LRBA: variants seen among roughly 807,000 people sequenced by gnomAD.
LRBA encodes LPS responsive beige-like anchor protein.
A neutral mutation model predicts 330.0 loss-of-function variants in LRBA; 176 were observed. That is an observed-to-expected ratio of 0.53 (90% CI 0.47 to 0.60). LRBA has a LOEUF of 0.60. Among genes scored for constraint, LRBA ranks in the 20% least tolerant of loss-of-function variants. The pLI is 0.00. For missense variants in LRBA, 3,259 were observed against 3,444.8 expected (o/e 0.95, Z 1.35); for synonymous variants, 1,230 against 1,193.0 (o/e 1.03, Z -0.64).
rs142988016 is a variant in LRBA at position 150,437,733 on chromosome 4, C to T, written c.6781-869G>A. On this transcript the variant is annotated intron_variant, in intron 44 of 56. Transcript: ENST00000651943. Reference sequence around the variant, plus strand: ...TTTGGAAGATAAAAATGAGTAGGTACGTTAAAGTCCAACAAACTATGCCTG... The same window carrying T: ...TTTGGAAGATAAAAATGAGTAGGTATGTTAAAGTCCAACAAACTATGCCTG... 3.7e-4 allele frequency among the ~76,000 whole-genome samples: 56 copies of T among 152,010 alleles called. 1 individual carries two copies. The East Asian group carries it at 9.5e-3, about 26-fold the overall frequency.
At chr4:150,604,980 T>C (rs954203900) in intron 37 of LRBA, among the ~76,000 whole-genome samples, 2 of 152,170 alleles carry the variant, frequency 1.3e-5, no homozygotes, top group Non-Finnish European at 2.9e-5. Context: ...AGGAAGATGC[T>C]TGGTTGTCAA....
chr4:150,727,316 C>T (rs1039947605), intron 36 of LRBA, among the ~76,000 whole-genome samples: 1 of 152,008 alleles, frequency 6.6e-6, no homozygotes, highest in Non-Finnish European at 1.5e-5. Flanking sequence ...TCAGGTGATC[C>T]ACCTGCCTCA....
chr4:150,564,210 C>T (rs1457953785), intron 40 of LRBA, among the ~76,000 whole-genome samples: 2 of 152,086 alleles, frequency 1.3e-5, no homozygotes, highest in South Asian at 2.1e-4. Flanking sequence ...TGGAACAGAA[C>T]AGAGGCCTCA....
At chr4:150,798,666 ATATAT>A (rs1475314550) in intron 33 of LRBA, among the ~76,000 whole-genome samples, 1 of 152,178 alleles carries the variant, frequency 6.6e-6, no homozygotes, top group Non-Finnish European at 1.5e-5. Flanking sequence ...GTTGTCTGTT[ATATAT>A]TCTTGATTTC....
chr4:150,283,246 T>C (rs1747766339), intron 54 of LRBA, among the ~76,000 whole-genome samples: 1 of 152,158 alleles, frequency 6.6e-6, no homozygotes, highest in African/African-American at 2.4e-5. Flanking sequence ...CCTTGGCAAC[T>C]GAGTGAAGCC....
At position 150,957,316 on chromosome 4, in the gene LRBA, A is replaced by G. The variant is rs367700813; in HGVS notation, c.217-28251T>C. Among the ~76,000 whole-genome samples, 30 of 148,616 alleles carry G rather than the reference A, an allele frequency of 2.0e-4. 1 individual carries two copies. In the South Asian group the frequency reaches 2.1e-3, roughly 10 times the overall value. ...CTGAAGGTGAAGGTGGAGCAAAGAC[A>G]TGTCTTTGCAGGCAAGTGAGCATGT... On this transcript the variant is annotated intron_variant, in intron 2 of 56. Transcript: ENST00000651943.
chr4:150,851,572 T>A (rs1560914178), intron 23 of LRBA, among the ~76,000 whole-genome samples: 1 of 152,232 alleles, frequency 6.6e-6, no homozygotes, highest in South Asian at 2.1e-4. Context: ...AGGATTGGGT[T>A]AGTCAAATAA....
intron 42 of LRBA, among the ~76,000 whole-genome samples, chr4:150,485,388 T>C (rs983563421): frequency 6.6e-6 from 1 of 152,010 alleles, no homozygotes; most frequent in Non-Finnish European, 1.5e-5. Flanking sequence ...TGTGGTAATT[T>C]GATAATTGTT....
chr4:150,734,940 G>A (rs1582186168), intron 36 of LRBA, among the ~76,000 whole-genome samples: 1 of 152,206 alleles, frequency 6.6e-6, no homozygotes, highest in Admixed American at 6.5e-5. Context: ...TGTCCAGAAA[G>A]GGCCAACTCC....
In LRBA at chr4:150,786,725, T is replaced by C. The variant is rs142869807; in HGVS notation, c.5580+11356A>G. Among the ~76,000 whole-genome samples the C allele has an allele frequency of 4.3e-3, 656 of 152,328 alleles. 4 individuals carry two copies. Among genetic ancestry groups the C allele is most frequent in the African/African-American group, 0.015 (634 of 41,566 alleles). The stretch of plus-strand genomic sequence containing the variant: ...CCAAAAAAATATGTTTAAAAAACCC[T>C]AGTCTCCAAATTTTTAGGGAGGCTG... On this transcript the variant is annotated intron_variant, in intron 34 of 56. Transcript: ENST00000651943.
At chr4:150,281,523 G>C (rs1747532944) in intron 55 of LRBA, among the ~76,000 whole-genome samples, 1 of 152,126 alleles carries the variant, frequency 6.6e-6, no homozygotes, top group African/African-American at 2.4e-5. Context: ...ACTAGATCTG[G>C]GAAAGTGGGA....
intron 34 of LRBA, among the ~76,000 whole-genome samples, chr4:150,786,193 T>C (rs542222372): frequency 6.6e-6 from 1 of 152,168 alleles, no homozygotes; most frequent in South Asian, 2.1e-4. Flanking sequence ...ACATCACTGT[T>C]GTAGACCCTA....
intron 2 of LRBA, among the ~76,000 whole-genome samples, chr4:150,935,644 G>GA (rs1184802109): frequency 2.6e-5 from 4 of 151,544 alleles, no homozygotes; most frequent in Admixed American, 1.3e-4. Flanking sequence ...TTAAATATAT[G>GA]AAAAAAGTGA....
chr4:150,984,957 A>C (rs146354346), intron 2 of LRBA, among the ~76,000 whole-genome samples: 1 of 152,350 alleles, frequency 6.6e-6, no homozygotes, highest in East Asian at 1.9e-4. Flanking sequence ...AAAGTAATTA[A>C]GCATTTTTAA....
chr4:150,873,930 G>A (rs953332580), intron 17 of LRBA, among the ~76,000 whole-genome samples: 1 of 152,082 alleles, frequency 6.6e-6, no homozygotes, highest in Non-Finnish European at 1.5e-5. Flanking sequence ...ATATCACATT[G>A]TAACTGCATA....
In LRBA at chr4:150,683,630, C is replaced by A. The variant is rs763165188; in HGVS notation, c.5842G>T (p.Val1948Leu). Residue 1948 changes from valine to leucine, a missense_variant, in exon 37 of 57, where the codon GTG becomes TTG. By Grantham distance (32) the Val-to-Leu change is conservative (BLOSUM62 1). Coordinates refer to ENST00000651943, the MANE Select transcript of LRBA (RefSeq NM_001364905.1). The stretch of plus-strand genomic sequence containing the variant: ...TTCTGGATTAGTTGAGTTGCTGTCA[C>A]GTGGTCACGATATTTTGCTGCTCTT... Reference protein sequence around the residue: ...LIRAAKYRDHVTATQLIQKII... With the variant: ...LIRAAKYRDHLTATQLIQKII... 1 of 1,613,314 alleles carries A rather than the reference C, an allele frequency of 6.2e-7. No individual in the cohort carries two copies. Among genetic ancestry groups the A allele is most frequent in the Non-Finnish European group, 8.5e-7 (1 of 1,179,430 alleles).
intron 47 of LRBA, among the ~76,000 whole-genome samples, chr4:150,361,158 G>A (rs906095542): frequency 3.3e-5 from 5 of 152,252 alleles, no homozygotes; most frequent in East Asian, 1.9e-4. Flanking sequence ...AGCAGATAAC[G>A]AGTCTCTGTC....
intron 34 of LRBA, among the ~76,000 whole-genome samples, chr4:150,774,737 A>T (rs949760084): frequency 6.6e-6 from 1 of 152,132 alleles, no homozygotes; most frequent in African/African-American, 2.4e-5. Flanking sequence ...TCATGAGAAA[A>T]TGAGTCCTTC....
At chr4:150,677,900 TC>T (rs1782707940) in intron 37 of LRBA, among the ~76,000 whole-genome samples, 3 of 152,006 alleles carry the variant, frequency 2.0e-5, no homozygotes, top group African/African-American at 4.8e-5. Flanking sequence ...AATTAGTACA[TC>T]ACAAATATAC....
Sources: gnomAD v4.1 joint callset for allele counts (sites outside exome capture counted in the v4.1 genomes callset) on GRCh38, gnomAD v4.1.1 for gene constraint, MANE v1.5 for transcripts, NCBI Gene and HGNC (gene_info 2026-07-23, HGNC 2026-07-21) for gene names.